The following MEP1A variants were observed in gnomAD, a reference collection of about 807,000 sequenced individuals.
MEP1A encodes meprin A subunit alpha.
Under a neutral mutation model 84.5 loss-of-function variants are expected in MEP1A, and 68 were observed. That is an observed-to-expected ratio of 0.80 (90% CI 0.66 to 0.98). MEP1A has a LOEUF of 0.98. Ranked by LOEUF, MEP1A falls within the 50% of genes least tolerant of loss-of-function variation. The pLI, the probability that MEP1A is intolerant of heterozygous loss-of-function variation, is 0.00. For missense variants in MEP1A, 887 were observed against 919.9 expected (o/e 0.96, Z 0.46); for synonymous variants, 337 against 336.8 (o/e 1.00, Z -0.01).
Position 46,819,607 on chromosome 6 carries a change from A to G in MEP1A, c.459A>G (p.Ile153Met), listed in dbSNP as rs775075851. 1 of 1,614,176 alleles carries G rather than the reference A, an allele frequency of 6.2e-7. No individual in the cohort carries two copies. Among genetic ancestry groups the G allele is most frequent in the Admixed American group, 1.7e-5 (1 of 60,024 alleles). Reference protein sequence around the residue: ...IGQGCAYKAIIEHEILHALGF... With the variant: ...IGQGCAYKAIMEHEILHALGF... ...AAGGATGTGCCTATAAGGCCATCATAGAACACGAGATCCTGCATGCTTTGG... is the reference window on the plus strand; with the variant it reads ...AAGGATGTGCCTATAAGGCCATCATGGAACACGAGATCCTGCATGCTTTGG... The change falls in exon 7 of 14, where the codon ATA becomes ATG. Residue 153 changes from isoleucine to methionine, a missense_variant. By Grantham distance (10) the Ile-to-Met change is conservative. Transcript: ENST00000230588.
chr6:46,808,410 C>A (rs929844313), intron 5 of MEP1A, among the ~76,000 whole-genome samples: 1 of 151,934 alleles, frequency 6.6e-6, no homozygotes, highest in African/African-American at 2.4e-5. Context: ...GAAATAAAGG[C>A]CAGAAAATGT....
chr6:46,831,604 G>T (rs548643748), intron 10 of MEP1A, among the ~76,000 whole-genome samples: 1 of 152,114 alleles, frequency 6.6e-6, no homozygotes, highest in Non-Finnish European at 1.5e-5. Flanking sequence ...AGCCTCTTGG[G>T]TCTCCTTCCC....
chr6:46,819,358 C>T (rs1767712696), intron 6 of MEP1A, among the ~76,000 whole-genome samples, 171 bp from the exon 7 acceptor site: 1 of 152,122 alleles, frequency 6.6e-6, no homozygotes, highest in Non-Finnish European at 1.5e-5. Context: ...CTAGGGAATG[C>T]TCCTTCTTTA....
At chr6:46,816,283 C>T (rs1767632852) in intron 6 of MEP1A, among the ~76,000 whole-genome samples, 2 of 152,062 alleles carry the variant, frequency 1.3e-5, no homozygotes, top group South Asian at 4.2e-4. Flanking sequence ...AAAAAAATTG[C>T]ACACCTACTA....
In MEP1A at chr6:46,825,504, C is replaced by CA. The variant is rs1767921193; in HGVS notation, c.778+12dup. The CA allele has an allele frequency of 1.9e-6, 3 of 1,583,474 alleles. No individual in the cohort carries two copies. The highest frequency in any genetic ancestry group is 2.6e-6 in the Non-Finnish European group (3 of 1,156,134). ...GAATGTACAATTGCAGTGAGTATCT[C>CA]AGTTTCTGAGAACTTGGTAAACTAG... On this transcript the variant is annotated intron_variant, in intron 8 of 13. Coordinates refer to ENST00000230588, the MANE Select transcript of MEP1A (RefSeq NM_005588.3).
chr6:46,816,432 G>T (rs1181980993), intron 6 of MEP1A, among the ~76,000 whole-genome samples: 1 of 152,078 alleles, frequency 6.6e-6, no homozygotes, highest in Non-Finnish European at 1.5e-5. Context: ...AGTGTCCTGG[G>T]TTGCAGCAGG....
At chr6:46,794,983 A>G (rs897355479) in intron 3 of MEP1A, among the ~76,000 whole-genome samples, 1 of 152,276 alleles carries the variant, frequency 6.6e-6, no homozygotes, top group Admixed American at 6.5e-5. Flanking sequence ...AGGCCATTTC[A>G]ACCAAACCAC....
intron 3 of MEP1A, among the ~76,000 whole-genome samples, chr6:46,796,883 G>A (rs1355025367): frequency 6.6e-6 from 1 of 152,216 alleles, no homozygotes; most frequent in East Asian, 1.9e-4. Context: ...TGTAAGAATA[G>A]ATGGACCAGA....
intron 10 of MEP1A, among the ~76,000 whole-genome samples, chr6:46,830,644 A>G (rs1249601203): frequency 6.6e-6 from 1 of 152,210 alleles, no homozygotes; most frequent in Admixed American, 6.5e-5. Context: ...CATTTAATTT[A>G]TCAATTGAAA....
intron 9 of MEP1A, among the ~76,000 whole-genome samples, chr6:46,828,468 G>A (rs976155996): frequency 6.6e-6 from 1 of 152,116 alleles, no homozygotes; most frequent in African/African-American, 2.4e-5. Flanking sequence ...GGAGCATCAC[G>A]GAGCAACGCT....
chr6:46,833,070 T>C lies in MEP1A; in HGVS notation c.1145-4T>C. 6.7e-7 allele frequency: 1 copy of C among 1,502,016 alleles called. No individual in the cohort carries two copies. The highest frequency in any genetic ancestry group is 8.9e-7 in the Non-Finnish European group (1 of 1,120,320). The allele number at this position is 1,502,016 out of a possible 1,614,324, so 93.0% of individuals were successfully genotyped here. ...TTCTCACCAGCCTTGTTCTCTGTCC[T>C]CAGGAGATGATGACCACAATTGGAA... On this transcript the variant is annotated splice_polypyrimidine_tract_variant and splice_region_variant and intron_variant, in intron 10 of 13. Transcript: ENST00000230588.
chr6:46,807,577 G>A (rs9689519), intron 5 of MEP1A, among the ~76,000 whole-genome samples: 3,731 of 32,778 alleles, frequency 0.11, 127 homozygotes, highest in African/African-American at 0.17. Flanking sequence ...AGGAAGGAAG[G>A]AAGGAAGGAA....
intron 10 of MEP1A, among the ~76,000 whole-genome samples, chr6:46,831,865 A>G (rs1252635381): frequency 1.3e-5 from 2 of 152,052 alleles, no homozygotes; most frequent in Non-Finnish European, 2.9e-5. Flanking sequence ...AGCTGCCTAG[A>G]TTTGTATGTT....
chr6:46,809,338 C>G, intron 5 of MEP1A, 82 bp from the exon 6 acceptor site: 1 of 831,190 alleles, frequency 1.2e-6, no homozygotes, highest in Non-Finnish European at 1.8e-6. Context: ...AATGTGGCAG[C>G]ATGGTTTTCT....
In MEP1A at chr6:46,804,469, T is replaced by C. The variant is rs924154147; in HGVS notation, c.263-4951T>C. 3.3e-5 allele frequency among the ~76,000 whole-genome samples: 5 copies of C among 151,204 alleles called. No individual in the cohort carries two copies. The East Asian group carries it at 9.6e-4, about 29-fold the overall frequency. On this transcript the variant is annotated intron_variant, in intron 5 of 13. Coordinates refer to ENST00000230588, the MANE Select transcript of MEP1A (RefSeq NM_005588.3). ...TTACAATTAACAGTTTTATTTGCTTTATTTCGTCTATCCATCCCAATATCC... is the reference window on the plus strand; with the variant it reads ...TTACAATTAACAGTTTTATTTGCTTCATTTCGTCTATCCATCCCAATATCC...
chr6:46,836,642 G>A lies in MEP1A; in HGVS notation c.2084+1093G>A, dbSNP rs1188594582. The stretch of plus-strand genomic sequence containing the variant: ...AGCTCTTCCCAGTTTTCCCACTAAT[G>A]TTCTTTTTCTATTTCAGGATCCAAT... On this transcript the variant is annotated intron_variant, in intron 13 of 13. Transcript: ENST00000230588. 2.2e-4 allele frequency among the ~76,000 whole-genome samples: 33 copies of A among 152,190 alleles called. 1 individual carries two copies. The highest frequency in any genetic ancestry group is 2.1e-3 in the Admixed American group (32 of 15,286).
In MEP1A at chr6:46,839,157, A is replaced by G. The variant is rs375454697; in HGVS notation, c.*21A>G. 2.5e-5 allele frequency: 40 copies of G among 1,605,202 alleles called. No individual in the cohort carries two copies. The highest frequency in any genetic ancestry group is 3.3e-5 in the Non-Finnish European group (39 of 1,175,332). On this transcript the variant is annotated 3_prime_UTR_variant, in exon 14 of 14. Transcript: ENST00000230588. ...AGTGACCTGCCTGCTGGCATTGGCCAGACCACAGCAGCACCTCCTCCATGC... is the reference window on the plus strand; with the variant it reads ...AGTGACCTGCCTGCTGGCATTGGCCGGACCACAGCAGCACCTCCTCCATGC...
intron 10 of MEP1A, among the ~76,000 whole-genome samples, chr6:46,831,757 C>T (rs1768080397): frequency 6.6e-6 from 1 of 152,216 alleles, no homozygotes; most frequent in South Asian, 2.1e-4. Context: ...TAGTTCAAAT[C>T]CTATATCTCT....
At chr6:46,828,742 T>C (rs1768004095) in intron 9 of MEP1A, among the ~76,000 whole-genome samples, 1 of 152,158 alleles carries the variant, frequency 6.6e-6, no homozygotes, top group Non-Finnish European at 1.5e-5. Flanking sequence ...TGTAGACACT[T>C]TTCACCCTCT....
Sources: allele counts gnomAD v4.1 joint callset (sites outside exome capture counted in the v4.1 genomes callset), GRCh38; gene constraint gnomAD v4.1.1; transcripts MANE v1.5; gene names NCBI Gene and HGNC (gene_info 2026-07-23, HGNC 2026-07-21).